SNED1: variants seen among roughly 807,000 people sequenced by gnomAD.
SNED1 encodes the protein sushi, nidogen and EGF like domains 1, also known as sushi, nidogen and EGF-like domain-containing protein 1.
Under a neutral mutation model 166.7 loss-of-function variants are expected in SNED1, and 81 were observed. The observed-to-expected ratio is 0.49, with a 90% CI of 0.41 to 0.58. SNED1 has a LOEUF of 0.58. Among genes scored for constraint, SNED1 ranks in the 20% least tolerant of loss-of-function variants. The pLI, the probability that SNED1 is intolerant of heterozygous loss-of-function variation, is 0.00. For synonymous variants in SNED1, 762 were observed against 822.0 expected (o/e 0.93, Z 1.25); for missense variants, 1,604 against 2,000.2 (o/e 0.80, Z 3.78).
At chr2:241,000,770 G>T (rs971964368) in intron 1 of SNED1, among the ~76,000 whole-genome samples, 1 of 152,208 alleles carries the variant, frequency 6.6e-6, no homozygotes, top group Admixed American at 6.5e-5. Context: ...TATCTCCATC[G>T]GAGCTTTTTC....
Position 241,068,022 on chromosome 2 carries a change from T to C in SNED1, c.3194+75T>C. The C allele has an allele frequency of 7.4e-7, 1 of 1,351,950 alleles. No individual in the cohort carries two copies. Among genetic ancestry groups the C allele is most frequent in the South Asian group, 1.3e-5 (1 of 74,336 alleles). The allele number at this position is 1,351,950 out of a possible 1,614,324, so 83.7% of individuals were successfully genotyped here. ...GGCTCGGGGACACGGGGCCCAGGTC[T>C]CGGGCACATTCTCCGTGTGTGGACT... On this transcript the variant is annotated intron_variant, in intron 22 of 31. Transcript: ENST00000310397. The surrounding 1 kb of genome is among the most constrained non-coding windows in gnomAD (Gnocchi z 5.3).
chr2:241,065,342 G>T lies in SNED1; in HGVS notation c.2757G>T (p.Glu919Asp). The T allele has an allele frequency of 1.2e-6, 2 of 1,613,018 alleles. No homozygotes were observed. The highest frequency in any genetic ancestry group is 1.7e-6 in the Non-Finnish European group (2 of 1,179,842). Reference sequence around the variant, plus strand: ...CCCTCAAGATGGAGAGAGTGGAGGAGAGTGGGGTCTCTATCTCCTGGAACC... The same window carrying T: ...CCCTCAAGATGGAGAGAGTGGAGGATAGTGGGGTCTCTATCTCCTGGAACC... ...PTALKMERVE[E>D]SGVSISWNPP... Residue 919 changes from glutamate (E) to aspartate (D), a missense_variant, in exon 21 of 32, where the codon GAG (glutamate) becomes GAT (aspartate). Glu to Asp is a conservative substitution (Grantham distance 45). Coordinates refer to ENST00000310397, the MANE Select transcript of SNED1 (RefSeq NM_001080437.3).
At chr2:241,063,191 G>A (rs888353404) in intron 17 of SNED1, among the ~76,000 whole-genome samples, 17 of 152,228 alleles carry the variant, frequency 1.1e-4, no homozygotes, top group African/African-American at 4.1e-4. Flanking sequence ...ACACCTGGTC[G>A]GTGCTTCCAG....
chr2:241,059,805 A>G (rs1350921356), intron 16 of SNED1, among the ~76,000 whole-genome samples: 1 of 152,206 alleles, frequency 6.6e-6, no homozygotes, highest in African/African-American at 2.4e-5. Flanking sequence ...AACCTCAGCT[A>G]CCAGTGTACT....
chr2:241,063,422 G>A (rs2062306463), intron 17 of SNED1, 165 bp from the exon 18 acceptor site: 4 of 636,682 alleles, frequency 6.3e-6, no homozygotes, highest in Admixed American at 2.3e-5. Context: ...GCCTCCCGAG[G>A]AGGGGTGGGT....
rs1241691304 is a variant in SNED1, at chr2:241,068,702, C to T, written c.3195-209C>T. 6.6e-6 allele frequency among the ~76,000 whole-genome samples: 1 copy of T among 152,176 alleles called. No homozygotes were observed. The highest frequency in any genetic ancestry group is 1.5e-5 in the Non-Finnish European group (1 of 68,020). On this transcript the variant is annotated intron_variant, in intron 22 of 31. Coordinates refer to ENST00000310397, the MANE Select transcript of SNED1 (RefSeq NM_001080437.3). This position sits in a 1 kb window ranked among gnomAD's most constrained non-coding sequence, Gnocchi z 5.3. ...GCCCCAAGCGCACCCGATCCTCCTC[C>T]GCTGCCCGGACTATGGGTTGGCTTC...
intron 1 of SNED1, among the ~76,000 whole-genome samples, chr2:241,026,363 G>T (rs2060970626): frequency 6.6e-6 from 1 of 152,146 alleles, no homozygotes; most frequent in Admixed American, 6.5e-5. Context: ...TTGAGCATAT[G>T]GCTTGATGTC....
intron 24 of SNED1, chr2:241,071,276 G>A (rs1381595411): frequency 1.0e-5 from 5 of 478,232 alleles, no homozygotes; most frequent in Non-Finnish European, 1.9e-5. Context: ...AGCCCCTTGA[G>A]AACTTGAGTG....
In SNED1 at chr2:241,065,546, T is replaced by C; in HGVS notation, c.2961T>C (p.Ser987=). 1 of 1,612,720 alleles carries C rather than the reference T, an allele frequency of 6.2e-7. No homozygotes were observed. Among genetic ancestry groups the C allele is most frequent in the South Asian group, 1.1e-5 (1 of 91,082 alleles). ...CCGTCTTCTCAGTGAAGCGAAACAG[T>C]AACAACAAGAATGACATCAGCAGGC... is the stretch of plus-strand genomic sequence containing the variant. The part of the protein sequence containing the change: ...NISVFSVKRN[S]NNKNDISRPA... Residue 987 remains serine (S), a synonymous_variant, in exon 21 of 32, where the codon AGT becomes AGC. Transcript: ENST00000310397.
Position 241,030,528 on chromosome 2 carries a change from C to A in SNED1, c.458C>A (p.Thr153Asn), listed in dbSNP as rs1559238527. The change falls in exon 2 of 32, where the codon ACC (threonine) becomes AAC (asparagine). Residue 153 changes from threonine (T) to asparagine (N), a missense_variant. Around this residue, in one of 2 missense-constraint regions of SNED1, gnomAD observed 1,237 missense variants for 1,620.8 expected, o/e 0.76. Coordinates refer to ENST00000310397, the MANE Select transcript of SNED1 (RefSeq NM_001080437.3). ...DFNATWVFVA[T>N]WYRVTFFGGS... ...AATGCCACCTGGGTTTTTGTTGCCA[C>A]CTGGTACCGAGTGACCTTCTTTGGA... 6.2e-7 allele frequency: 1 copy of A among 1,613,794 alleles called. No homozygotes were observed. Among genetic ancestry groups the A allele is most frequent in the Non-Finnish European group, 8.5e-7 (1 of 1,179,892 alleles).
intron 18 of SNED1, 151 bp from the exon 19 acceptor site, chr2:241,063,861 C>T: frequency 8.6e-6 from 5 of 582,400 alleles, no homozygotes; most frequent in Non-Finnish European, 1.5e-5. Flanking sequence ...GGTGAGGGTG[C>T]TGGGGAGGGC....
intron 27 of SNED1, among the ~76,000 whole-genome samples, chr2:241,077,704 T>G (rs2125279231): frequency 6.6e-6 from 1 of 152,304 alleles, no homozygotes. Context: ...AAAAGACATT[T>G]CTGCAAGGAA....
Position 241,016,489 on chromosome 2 carries a change from C to T in SNED1, c.214-13795C>T, listed in dbSNP as rs1457059431. Among the ~76,000 whole-genome samples, 4 of 139,410 alleles carry T rather than the reference C, an allele frequency of 2.9e-5. No individual in the cohort carries two copies. The Admixed American group carries it at 4.3e-4, about 15-fold the overall frequency. The allele number at this position is 139,410 out of a possible 152,430, so 91.5% of individuals were successfully genotyped here. A position where few individuals can be genotyped will look rare whatever the true frequency, so the allele number is the denominator to read the frequency against. Reference sequence around the variant, plus strand: ...GGGATTACAGGCGTGAGCCACCACGCCCGGCCCATGGTGGATTATTTATCC... The same window carrying T: ...GGGATTACAGGCGTGAGCCACCACGTCCGGCCCATGGTGGATTATTTATCC... On this transcript the variant is annotated intron_variant, in intron 1 of 31. Coordinates refer to ENST00000310397, the MANE Select transcript of SNED1 (RefSeq NM_001080437.3).
intron 31 of SNED1, chr2:241,089,400 C>A: frequency 6.4e-7 from 1 of 1,550,456 alleles, no homozygotes. Flanking sequence ...ATTCAGGAAC[C>A]TTTAAAAACA....
chr2:241,044,229 T>C (rs933017530), intron 8 of SNED1, among the ~76,000 whole-genome samples: 1 of 152,072 alleles, frequency 6.6e-6, no homozygotes, highest in Admixed American at 6.5e-5. Context: ...AAATGTAAAA[T>C]GATTAAACAT....
chr2:241,029,607 T>A (rs1053881108), intron 1 of SNED1, among the ~76,000 whole-genome samples: 3 of 152,096 alleles, frequency 2.0e-5, no homozygotes, highest in Non-Finnish European at 4.4e-5. Flanking sequence ...CACAGAGAGG[T>A]CGGCAGCTGA....
At chr2:241,055,860 G>C (rs112071618) in intron 16 of SNED1, among the ~76,000 whole-genome samples, 2 of 152,156 alleles carry the variant, frequency 1.3e-5, no homozygotes, top group African/African-American at 2.4e-5. Flanking sequence ...ATCCTTAAGC[G>C]TTTAAAACCA....
chr2:241,074,869 TCCC>T (rs2062945710), intron 27 of SNED1: 1 of 152,236 alleles, frequency 6.6e-6, no homozygotes, highest in South Asian at 2.1e-4. Flanking sequence ...CCCTGTTCTC[TCCC>T]CTCAGTTAAC....
At chr2:241,010,541 T>G (rs911071866) in intron 1 of SNED1, 2 of 152,444 alleles carry the variant, frequency 1.3e-5, no homozygotes, top group African/African-American at 2.4e-5. Context: ...CCATGTGGCC[T>G]GGGGCCTCCC....
Sources: gnomAD v4.1 joint callset for allele counts (sites outside exome capture counted in the v4.1 genomes callset) on GRCh38, gnomAD v4.1.1 for gene constraint, gnomAD v4.1.1 regional missense constraint, Gnocchi (gnomAD v3.1) non-coding constraint, MANE v1.5 for transcripts, NCBI Gene and HGNC (gene_info 2026-07-23, HGNC 2026-07-21) for gene names.